The following MTHFD1L variants were observed in gnomAD, a reference collection of about 807,000 sequenced individuals.
MTHFD1L encodes methylenetetrahydrofolate dehydrogenase (NADP+ dependent) 1 like.
MTHFD1L carries 81 observed loss-of-function variants against 119.5 expected under a neutral mutation model. The ratio of observed to expected loss-of-function variants is 0.68; its 90% CI spans 0.57 to 0.82. MTHFD1L has a LOEUF of 0.82. MTHFD1L is among the 40% of genes least tolerant of loss of function. The pLI, the probability that MTHFD1L is intolerant of heterozygous loss-of-function variation, is 0.00. For missense variants in MTHFD1L, 1,125 were observed against 1,253.4 expected (o/e 0.90, Z 1.55); for synonymous variants, 430 against 475.2 (o/e 0.90, Z 1.24).
chr6:150,933,883 C>T (rs552000362), intron 11 of MTHFD1L, among the ~76,000 whole-genome samples: 2 of 152,196 alleles, frequency 1.3e-5, no homozygotes, highest in Non-Finnish European at 2.9e-5. Context: ...TCCCAAAGTG[C>T]TAGGATTACA....
intron 26 of MTHFD1L, among the ~76,000 whole-genome samples, chr6:151,077,867 C>T (rs976406660): frequency 1.1e-4 from 16 of 151,514 alleles, no homozygotes; most frequent in East Asian, 3.9e-4. Flanking sequence ...ATCCAGACCA[C>T]GGTGAAACCC....
chr6:150,883,799 A>G (rs1308328021), intron 5 of MTHFD1L, among the ~76,000 whole-genome samples: 1 of 152,160 alleles, frequency 6.6e-6, no homozygotes, highest in Non-Finnish European at 1.5e-5. Flanking sequence ...ATGGAAATAT[A>G]GGAAGTGTTT....
chr6:151,015,664 A>G lies in MTHFD1L; in HGVS notation c.2557A>G (p.Ser853Gly), dbSNP rs1481095048. ...TGTGAGAGAGGCTGCGAGTAAAAGA[A>G]GCCGATTCCAGTTCCTGTATGATGT... is the stretch of plus-strand genomic sequence containing the variant. The part of the protein sequence containing the change: ...RAVREAASKR[S>G]RFQFLYDVQV... Residue 853 changes from serine to glycine, a missense_variant, in exon 24 of 28, where the codon AGC becomes GGC. Coordinates refer to ENST00000367321, the MANE Select transcript of MTHFD1L (RefSeq NM_015440.5). The G allele has an allele frequency of 1.2e-6, 2 of 1,613,922 alleles. No individual in the cohort carries two copies. Among genetic ancestry groups the G allele is most frequent in the South Asian group, 1.1e-5 (1 of 91,044 alleles).
Position 150,877,793 on chromosome 6 carries a change from CA to C in MTHFD1L, c.385del (p.Ile129PhefsTer13). 6.2e-7 allele frequency: 1 copy of C among 1,614,236 alleles called. No homozygotes were observed. The part of the protein sequence containing the change: ...AEEAGLNITH[I>X]CLPPDSSEAE... ...TTCAGGCTGGTCTGAACATCACTCA[CA>C]TTTGCCTCCCTCCAGATAGCAGTGA... On this transcript the variant is annotated frameshift_variant, in exon 4 of 28. Coordinates refer to ENST00000367321, the MANE Select transcript of MTHFD1L (RefSeq NM_015440.5). LOFTEE classifies it high-confidence loss of function.
intron 26 of MTHFD1L, among the ~76,000 whole-genome samples, chr6:151,045,467 G>T (rs1331046682): frequency 6.6e-6 from 1 of 152,144 alleles, no homozygotes; most frequent in Non-Finnish European, 1.5e-5. Flanking sequence ...AAGAAACCTT[G>T]AGCTTATTTT....
At chr6:150,934,836 C>T in intron 11 of MTHFD1L, 1 of 1,156,722 alleles carries the variant, frequency 8.6e-7, no homozygotes, top group Non-Finnish European at 1.2e-6. Flanking sequence ...GTAGAAATGC[C>T]TGCCAATGCT....
chr6:151,042,380 A>G (rs1250569998), intron 26 of MTHFD1L, among the ~76,000 whole-genome samples: 3 of 152,224 alleles, frequency 2.0e-5, no homozygotes, highest in Non-Finnish European at 2.9e-5. Flanking sequence ...TGTAAGAGAT[A>G]GTTTTTCTAA....
At chr6:150,959,276 A>C in intron 17 of MTHFD1L, 342 of 874,756 alleles carry the variant, frequency 3.9e-4, no homozygotes, top group Middle Eastern at 5.8e-4. Context: ...AAAATGTCTC[A>C]TAAGGTGATC....
At chr6:150,960,463 C>A in intron 18 of MTHFD1L, 48 bp downstream of exon 18, 1 of 1,547,488 alleles carries the variant, frequency 6.5e-7, no homozygotes, top group South Asian at 1.2e-5. Flanking sequence ...GGTCCTCGTT[C>A]TTCGTTACCA....
At chr6:150,938,590 G>A (rs1792521555) in intron 12 of MTHFD1L, 109 bp from the exon 13 acceptor site, 1 of 1,097,304 alleles carries the variant, frequency 9.1e-7, no homozygotes, top group Non-Finnish European at 1.4e-6. Flanking sequence ...CTTCATCTTG[G>A]GTGTGACGCC....
chr6:150,929,013 A>G (rs1379434942), intron 11 of MTHFD1L, among the ~76,000 whole-genome samples: 1 of 151,900 alleles, frequency 6.6e-6, no homozygotes, highest in Non-Finnish European at 1.5e-5. Context: ...CCCCTTTCCA[A>G]CCTAGAACCC....
At chr6:151,080,792 T>G (rs890155295) in intron 26 of MTHFD1L, among the ~76,000 whole-genome samples, 9 of 152,188 alleles carry the variant, frequency 5.9e-5, no homozygotes, top group Non-Finnish European at 1.3e-4. Flanking sequence ...ACAGCTGTCT[T>G]CCCTGTATGT....
chr6:150,923,537 A>ATTTATTTATTCATTTATTTAT (rs1254981530), intron 10 of MTHFD1L, among the ~76,000 whole-genome samples: 1 of 95,208 alleles, frequency 1.1e-5, no homozygotes, highest in African/African-American at 5.1e-5. Context: ...TTATTTATTT[A>ATTTATTTATTCATTTATTTAT]TTTTTTCTTT....
intron 26 of MTHFD1L, among the ~76,000 whole-genome samples, chr6:151,062,950 G>T (rs1229934324): frequency 6.6e-6 from 1 of 151,966 alleles, no homozygotes; most frequent in Non-Finnish European, 1.5e-5. Context: ...GAGTTAATGG[G>T]TGCAGCACAC....
chr6:151,090,520 A>G (rs527336534), intron 26 of MTHFD1L, among the ~76,000 whole-genome samples: 1 of 152,360 alleles, frequency 6.6e-6, no homozygotes, highest in Non-Finnish European at 1.5e-5. Flanking sequence ...CATTTGAGTA[A>G]CAGGAGTCTC....
intron 20 of MTHFD1L, among the ~76,000 whole-genome samples, chr6:150,998,995 A>AAAAAAAAAAATGTGTAT (rs986639098): frequency 1.4e-5 from 2 of 143,586 alleles, no homozygotes; most frequent in Non-Finnish European, 3.1e-5. Flanking sequence ...GTCTTAAAAA[A>AAAAAAAAAAATGTGTAT]ATATATATAC....
At chr6:150,896,922 A>G (rs994997012) in intron 7 of MTHFD1L, among the ~76,000 whole-genome samples, 6 of 151,540 alleles carry the variant, frequency 4.0e-5, no homozygotes, top group African/African-American at 1.5e-4. Flanking sequence ...CCTGGCTAAC[A>G]CGGTGAAACC....
intron 26 of MTHFD1L, among the ~76,000 whole-genome samples, chr6:151,060,444 G>A (rs1790478906): frequency 6.6e-6 from 1 of 152,208 alleles, no homozygotes; most frequent in South Asian, 2.1e-4. Flanking sequence ...AGAGTTCACA[G>A]GCTAGAGAGG....
At chr6:151,088,880 G>C (rs908516109) in intron 26 of MTHFD1L, among the ~76,000 whole-genome samples, 1 of 152,186 alleles carries the variant, frequency 6.6e-6, no homozygotes, top group Non-Finnish European at 1.5e-5. Flanking sequence ...CCTTTCATCA[G>C]CAGATAGTTA....
Sources: allele counts gnomAD v4.1 joint callset (sites outside exome capture counted in the v4.1 genomes callset), GRCh38; gene constraint gnomAD v4.1.1; transcripts MANE v1.5; gene names NCBI Gene and HGNC (gene_info 2026-07-23, HGNC 2026-07-21).